DLC1: variants seen among roughly 807,000 people sequenced by gnomAD.
DLC1 encodes the protein rho GTPase-activating protein 7.
DLC1 carries 54 observed loss-of-function variants against 140.3 expected under a neutral mutation model. The observed-to-expected ratio is 0.38, with a 90% CI of 0.31 to 0.48. The LOEUF (loss-of-function observed/expected upper bound fraction) is 0.48. Among genes scored for constraint, DLC1 ranks in the 20% least tolerant of loss-of-function variants. DLC1 has a pLI of 0.96. For missense variants in DLC1, 2,536 were observed against 1,907.0 expected (o/e 1.33, Z -6.14); for synonymous variants, 986 against 728.1 (o/e 1.35, Z -5.70).
At chr8:13,209,750 A>G (rs911843578) in intron 5 of DLC1, among the ~76,000 whole-genome samples, 3 of 152,034 alleles carry the variant, frequency 2.0e-5, no homozygotes, top group Non-Finnish European at 4.4e-5. Context: ...TCTTGCTGCT[A>G]CTTCCACCAT....
At chr8:13,110,614 A>ACT in intron 7 of DLC1, 128 bp downstream of exon 7, 1 of 822,410 alleles carries the variant, frequency 1.2e-6, no homozygotes, top group East Asian at 2.4e-5. Context: ...GTCTATGATC[A>ACT]CTCTATGGTT....
At chr8:13,389,621 G>T (rs1163506078) in intron 4 of DLC1, among the ~76,000 whole-genome samples, 1 of 151,818 alleles carries the variant, frequency 6.6e-6, no homozygotes, top group Non-Finnish European at 1.5e-5. Context: ...TTTTCAGCAT[G>T]ATCTACACAT....
At chr8:13,152,298 C>T (rs1823880598) in intron 5 of DLC1, among the ~76,000 whole-genome samples, 2 of 152,188 alleles carry the variant, frequency 1.3e-5, no homozygotes, top group Admixed American at 1.3e-4. Context: ...TTGCATGCTT[C>T]TCTTGATAGA....
At chr8:13,431,594 A>G (rs1391997075) in intron 2 of DLC1, among the ~76,000 whole-genome samples, 1 of 151,390 alleles carries the variant, frequency 6.6e-6, no homozygotes, top group African/African-American at 2.4e-5. Context: ...TTTCCAGGTA[A>G]GATTTCTCAA....
chr8:13,239,693 G>A (rs1829459332), intron 5 of DLC1, among the ~76,000 whole-genome samples: 1 of 152,176 alleles, frequency 6.6e-6, no homozygotes, highest in Non-Finnish European at 1.5e-5. Flanking sequence ...ATCCTGATAT[G>A]TAATCTCAGG....
chr8:13,251,458 A>G (rs17189633), intron 5 of DLC1, among the ~76,000 whole-genome samples: 5,726 of 152,238 alleles, frequency 0.038, 162 homozygotes, highest in South Asian at 0.067. Flanking sequence ...TGTATGGGCC[A>G]TATATAAAGT....
At chr8:13,431,511 A>AAAAAG (rs1554519024) in intron 2 of DLC1, among the ~76,000 whole-genome samples, 2,537 of 131,666 alleles carry the variant, frequency 0.019, 55 homozygotes, top group East Asian at 0.034. Flanking sequence ...AAAAAAAAAA[A>AAAAAG]AAAAGAAAAG....
At chr8:13,109,053 T>C (rs995209213) in intron 7 of DLC1, among the ~76,000 whole-genome samples, 1 of 152,172 alleles carries the variant, frequency 6.6e-6, no homozygotes, top group African/African-American at 2.4e-5. Flanking sequence ...GTTTGTTTTT[T>C]CCTCTCTTAA....
chr8:13,488,018 T>G (rs1801048571), intron 2 of DLC1, among the ~76,000 whole-genome samples: 1 of 152,238 alleles, frequency 6.6e-6, no homozygotes, highest in South Asian at 2.1e-4. Context: ...AGAAAATTTC[T>G]AATTATGCCT....
chr8:13,102,810 T>C lies in DLC1; in HGVS notation c.1546A>G (p.Ile516Val). ...CTCACTCGTTTCCGATGAGGACTAA[T>C]TTCTAGCTTCATCACCGCACATTTG... ...LNKCAVMKLE[I>V]SPHRKRSDDS... The change falls in exon 8 of 18, where the codon ATT becomes GTT. Residue 516 changes from isoleucine (I) to valine (V), a missense_variant. By Grantham distance (29) the Ile-to-Val change is conservative (BLOSUM62 3). Coordinates refer to ENST00000276297, the MANE Select transcript of DLC1 (RefSeq NM_182643.3). 1.9e-6 allele frequency: 3 copies of C among 1,614,090 alleles called. No individual in the cohort carries two copies.
At chr8:13,415,687 C>G (rs1361993660) in intron 2 of DLC1, among the ~76,000 whole-genome samples, 1 of 152,192 alleles carries the variant, frequency 6.6e-6, no homozygotes, top group Non-Finnish European at 1.5e-5. Flanking sequence ...GCATGAGCCA[C>G]TGCAACCGGC....
intron 1 of DLC1, among the ~76,000 whole-genome samples, chr8:13,509,017 A>G (rs989561817): frequency 5.9e-5 from 9 of 152,178 alleles, no homozygotes; most frequent in Admixed American, 3.3e-4. Context: ...GTTAAAGTTG[A>G]TATTAAACGT....
At chr8:13,116,226 T>C (rs1308429270) in intron 5 of DLC1, 1 of 985,404 alleles carries the variant, frequency 1.0e-6, no homozygotes, top group Non-Finnish European at 1.2e-6. Context: ...TCAAGGAACA[T>C]GGAGGGCACG....
chr8:13,136,624 T>G lies in DLC1; in HGVS notation c.1349-20967A>C, dbSNP rs4831400. Among the ~76,000 whole-genome samples the G allele has an allele frequency of 3.2e-3, 485 of 152,302 alleles. 2 individuals are homozygous for G. The highest frequency in any genetic ancestry group is 0.01 in the Middle Eastern group (3 of 294). ...GTGCATCCCACTGAGGACAAGAGGA[T>G]CCCAGGCTCAAGCGATCCTCTCACC... On this transcript the variant is annotated intron_variant, in intron 5 of 17. Transcript: ENST00000276297.
intron 1 of DLC1, among the ~76,000 whole-genome samples, chr8:13,590,314 G>T (rs531790403): frequency 6.6e-6 from 1 of 150,864 alleles, no homozygotes; most frequent in East Asian, 2.0e-4. Context: ...GTTTTTTTTT[G>T]CAGCTATTGT....
chr8:13,165,880 C>T (rs1825070921), intron 5 of DLC1, among the ~76,000 whole-genome samples: 1 of 152,140 alleles, frequency 6.6e-6, no homozygotes, highest in Non-Finnish European at 1.5e-5. Context: ...TCGTGTCACT[C>T]AGATGGCTAG....
intron 5 of DLC1, among the ~76,000 whole-genome samples, chr8:13,154,295 C>A (rs182101382): frequency 1.3e-5 from 2 of 152,212 alleles, no homozygotes; most frequent in African/African-American, 2.4e-5. Context: ...GAGCCCGCTG[C>A]GGTGGGGGCT....
intron 1 of DLC1, among the ~76,000 whole-genome samples, chr8:13,526,065 T>C (rs920306641): frequency 6.6e-6 from 1 of 152,194 alleles, no homozygotes; most frequent in African/African-American, 2.4e-5. Context: ...CCAAAACCAT[T>C]TGTGACAATT....
intron 4 of DLC1, among the ~76,000 whole-genome samples, chr8:13,315,013 G>A (rs73663542): frequency 0.019 from 2,915 of 152,268 alleles, 113 homozygotes; most frequent in African/African-American, 0.065. Flanking sequence ...GTATTCTAAT[G>A]TTCTGCAACT....
Sources: allele counts gnomAD v4.1 joint callset (sites outside exome capture counted in the v4.1 genomes callset), GRCh38; gene constraint gnomAD v4.1.1; transcripts MANE v1.5; gene names NCBI Gene and HGNC (gene_info 2026-07-23, HGNC 2026-07-21).